CALN1: variants seen among roughly 807,000 people sequenced by gnomAD.
CALN1 encodes the protein calcium-binding protein 8.
In CALN1, 17 loss-of-function variants were observed where a neutral mutation model predicts 30.6. The ratio of observed to expected loss-of-function variants is 0.56; its 90% CI spans 0.38 to 0.83. CALN1 has a LOEUF of 0.83. Ranked by LOEUF, CALN1 falls within the 40% of genes least tolerant of loss-of-function variation. The pLI is 0.00. For synonymous variants in CALN1, 156 were observed against 131.4 expected (o/e 1.19, Z -1.28); for missense variants, 291 against 354.9 (o/e 0.82, Z 1.45).
intron 6 of CALN1, among the ~76,000 whole-genome samples, chr7:71,803,529 C>G (rs12699089): frequency 6.6e-6 from 1 of 151,970 alleles, no homozygotes; most frequent in African/African-American, 2.4e-5. Context: ...GGCTGGAGTG[C>G]AGTGGCACAA....
chr7:72,344,483 C>CAT (rs1454954951), intron 2 of CALN1, among the ~76,000 whole-genome samples: 10 of 150,712 alleles, frequency 6.6e-5, no homozygotes, highest in African/African-American at 2.4e-4. Context: ...TCCGTGTACA[C>CAT]ATATGTGCAC....
chr7:72,310,224 C>A (rs1799948586), intron 2 of CALN1, among the ~76,000 whole-genome samples: 5 of 151,686 alleles, frequency 3.3e-5, no homozygotes, highest in Admixed American at 3.3e-4. Context: ...AAACCCTAGA[C>A]AGCACAATGC....
At chr7:72,251,613 C>A (rs1003406808) in intron 3 of CALN1, among the ~76,000 whole-genome samples, 2 of 152,078 alleles carry the variant, frequency 1.3e-5, no homozygotes, top group African/African-American at 4.8e-5. Flanking sequence ...GTTGTCCAGG[C>A]TAGTCTCAAA....
At chr7:71,922,912 A>G (rs1795047873) in intron 5 of CALN1, among the ~76,000 whole-genome samples, 1 of 146,218 alleles carries the variant, frequency 6.8e-6, no homozygotes, top group African/African-American at 2.5e-5. Flanking sequence ...ATATTTGTAT[A>G]TAAGCATATA....
intron 4 of CALN1, among the ~76,000 whole-genome samples, chr7:72,087,252 G>A (rs1584914738): frequency 1.3e-5 from 2 of 152,160 alleles, no homozygotes; most frequent in Admixed American, 1.3e-4. Flanking sequence ...CACAGACCCA[G>A]AACCTCAGGG....
At chr7:72,404,367 ACAGTTAATCAATGT>A (rs1326503279) in intron 1 of CALN1, among the ~76,000 whole-genome samples, 1 of 152,238 alleles carries the variant, frequency 6.6e-6, no homozygotes, top group African/African-American at 2.4e-5. Flanking sequence ...TATTGAACAC[ACAGTTAATCAATGT>A]CAGTTCTCTT....
At chr7:72,024,239 C>A (rs844785) in intron 4 of CALN1, among the ~76,000 whole-genome samples, 5 of 151,958 alleles carry the variant, frequency 3.3e-5, no homozygotes, top group African/African-American at 1.2e-4. Flanking sequence ...CCTTTTCAAC[C>A]ATGAAGGTGA....
At chr7:72,208,056 A>C (rs1792023600) in intron 3 of CALN1, among the ~76,000 whole-genome samples, 1 of 152,216 alleles carries the variant, frequency 6.6e-6, no homozygotes, top group South Asian at 2.1e-4. Flanking sequence ...TCAACCAATA[A>C]AACAGAGAGG....
chr7:72,242,411 T>C (rs969071419), intron 3 of CALN1, among the ~76,000 whole-genome samples: 1 of 152,188 alleles, frequency 6.6e-6, no homozygotes, highest in African/African-American at 2.4e-5. Context: ...TCTTAAATTA[T>C]TTTTAACCTT....
intron 3 of CALN1, among the ~76,000 whole-genome samples, chr7:72,248,584 CTCTTA>C (rs1393587844): frequency 6.6e-6 from 1 of 152,146 alleles, no homozygotes; most frequent in African/African-American, 2.4e-5. Context: ...TCCAGCCTCC[CTCTTA>C]TAAGGACACT....
intron 2 of CALN1, among the ~76,000 whole-genome samples, chr7:72,322,843 G>A (rs1306832806): frequency 6.6e-6 from 1 of 151,636 alleles, no homozygotes; most frequent in Admixed American, 6.6e-5. Flanking sequence ...AACGTTTGAG[G>A]GGATGGATAT....
chr7:72,416,624 A>G (rs1393828610), upstream of CALN1, among the ~76,000 whole-genome samples: 1 of 150,218 alleles, frequency 6.7e-6, no homozygotes, highest in East Asian at 2.0e-4. Flanking sequence ...AATCCCAGCT[A>G]CTCAAGAGAC....
intron 3 of CALN1, among the ~76,000 whole-genome samples, chr7:72,116,450 A>G (rs1048920266): frequency 2.6e-5 from 4 of 152,194 alleles, no homozygotes; most frequent in African/African-American, 9.7e-5. Flanking sequence ...GGAAGTATAC[A>G]GGGAGGTGAG....
chr7:72,186,990 A>C lies in CALN1; in HGVS notation c.245-80696T>G, dbSNP rs1167774525. ...AAGATGATATTATGAGTCCCCAGAA[A>C]GGGACAGGGCAAGTAGGGGAGTTCA... On this transcript the variant is annotated intron_variant, in intron 3 of 6. Coordinates refer to ENST00000395275, the MANE Select transcript of CALN1 (RefSeq NM_031468.4). 2.7e-5 allele frequency among the ~76,000 whole-genome samples: 4 copies of C among 150,016 alleles called. No individual in the cohort carries two copies. The Admixed American group carries it at 2.7e-4, about 10-fold the overall frequency.
At chr7:71,915,348 C>A (rs775087821) in intron 5 of CALN1, among the ~76,000 whole-genome samples, 2 of 152,202 alleles carry the variant, frequency 1.3e-5, no homozygotes, top group African/African-American at 2.4e-5. Context: ...CAACCCCTTT[C>A]TTCTTTCTCA....
At chr7:71,836,264 T>C (rs1267007951) in intron 5 of CALN1, among the ~76,000 whole-genome samples, 1 of 152,154 alleles carries the variant, frequency 6.6e-6, no homozygotes, top group Non-Finnish European at 1.5e-5. Flanking sequence ...TGCAACCTCA[T>C]TGTGCAACAT....
chr7:72,114,276 A>G (rs1235513567), intron 3 of CALN1, among the ~76,000 whole-genome samples: 9 of 54,806 alleles, frequency 1.6e-4, no homozygotes, highest in East Asian at 3.6e-3. Context: ...AGGGAAGGGA[A>G]GGGAAGGGAA....
rs1463018906 is a variant in CALN1, at chr7:72,444,855, G to A, written c.-226+2187C>T. Among the ~76,000 whole-genome samples, 6 of 152,108 alleles carry A rather than the reference G, an allele frequency of 3.9e-5. No homozygotes were observed. In the East Asian group the frequency reaches 1.2e-3, roughly 29 times the overall value. Reference sequence around the variant, plus strand: ...TCAGCAGCCCAGGCTAGGTGCTCTTGTGTGGTGAAGCTGAGACTCCAGTGA... The same window carrying A: ...TCAGCAGCCCAGGCTAGGTGCTCTTATGTGGTGAAGCTGAGACTCCAGTGA... On this transcript the variant is annotated intron_variant, in intron 1 of 6. Transcript: ENST00000395276.
intron 1 of CALN1, among the ~76,000 whole-genome samples, chr7:72,406,384 A>G (rs561866856): frequency 4.6e-5 from 7 of 152,262 alleles, no homozygotes; most frequent in Admixed American, 1.3e-4. Flanking sequence ...TTGGGACCCA[A>G]GGTGCATTTC....
Sources: allele counts gnomAD v4.1 joint callset (sites outside exome capture counted in the v4.1 genomes callset), GRCh38; gene constraint gnomAD v4.1.1; transcripts MANE v1.5; gene names NCBI Gene and HGNC (gene_info 2026-07-23, HGNC 2026-07-21).